Variants in PPP2R2C observed in about 807,000 individuals in gnomAD.
PPP2R2C encodes the protein protein phosphatase 2 regulatory subunit Bgamma, also known as protein phosphatase 2, regulatory subunit B, gamma.
Under a neutral mutation model 45.3 loss-of-function variants are expected in PPP2R2C, and 10 were observed. The ratio of observed to expected loss-of-function variants is 0.22; its 90% CI spans 0.14 to 0.37. The LOEUF (loss-of-function observed/expected upper bound fraction) is 0.37, where lower values mean the gene tolerates loss of function less well. Ranked by LOEUF, PPP2R2C falls within the 10% of genes least tolerant of loss-of-function variation. The pLI is 1.00. For missense variants in PPP2R2C, 308 were observed against 619.7 expected (o/e 0.50, Z 5.34); for synonymous variants, 257 against 245.4 (o/e 1.05, Z -0.44).
rs1417473557 is a variant in PPP2R2C, at chr4:6,368,580, C to G, written c.625+3943G>C. Among the ~76,000 whole-genome samples the G allele has an allele frequency of 6.6e-6, 1 of 152,194 alleles. No homozygotes were observed. The highest frequency in any genetic ancestry group is 2.4e-5 in the African/African-American group (1 of 41,446). On this transcript the variant is annotated intron_variant, in intron 5 of 8. Coordinates refer to ENST00000382599, the MANE Select transcript of PPP2R2C (RefSeq NM_020416.4). This position sits in a 1 kb window ranked among gnomAD's most constrained non-coding sequence, Gnocchi z 4.2. ...ACGGTAACGGCCAGGGAGGACTTTG[C>G]AGTCCTGGGATGAACCAACCCCCTT...
At chr4:6,394,286 C>A (rs1716864479) in intron 1 of PPP2R2C, among the ~76,000 whole-genome samples, 1 of 152,234 alleles carries the variant, frequency 6.6e-6, no homozygotes, top group Non-Finnish European at 1.5e-5. Flanking sequence ...GTTTCCTAAT[C>A]TCTAAAATGG....
At chr4:6,415,010 G>A (rs1276076825) in intron 1 of PPP2R2C, among the ~76,000 whole-genome samples, 8 of 152,336 alleles carry the variant, frequency 5.3e-5, no homozygotes, top group Non-Finnish European at 1.0e-4. Flanking sequence ...CACACGACAG[G>A]AAGGGATGGT....
rs188886256 is a variant in PPP2R2C, at chr4:6,321,542, G to A, written c.*1760C>T. ...CTGTGTAAATGTTATATGGCCAGAA[G>A]TGAGTACACATGCACTTTGTGCTTT... On this transcript the variant is annotated 3_prime_UTR_variant, in exon 9 of 9. Transcript: ENST00000382599. 2.0e-5 allele frequency: 3 copies of A among 152,484 alleles called. No individual in the cohort carries two copies. The highest frequency in any genetic ancestry group is 2.0e-4 in the Admixed American group (3 of 15,300). The allele number at this position is 152,484 out of a possible 1,614,324, so 9.4% of individuals were successfully genotyped here. A position where few individuals can be genotyped will look rare whatever the true frequency, so the allele number is the denominator to read the frequency against.
chr4:6,522,460 C>T (rs1422407029), intron 2 of PPP2R2C, among the ~76,000 whole-genome samples: 1 of 152,258 alleles, frequency 6.6e-6, no homozygotes, highest in African/African-American at 2.4e-5. Context: ...GATTCCAAGA[C>T]CCTCATGCTT....
intron 1 of PPP2R2C, among the ~76,000 whole-genome samples, chr4:6,460,858 A>G (rs1195557461): frequency 6.6e-6 from 1 of 152,146 alleles, no homozygotes; most frequent in Non-Finnish European, 1.5e-5. Context: ...CACAATGTCA[A>G]TAGGATACAA....
rs1002829461 is a variant in PPP2R2C at position 6,562,473 on chromosome 4, G to T, written c.-59+1087C>A. The stretch of plus-strand genomic sequence containing the variant: ...TGGGGAGGATTCAACGGAGTCGGGG[G>T]GGGGGGTTGGATATTTGAAAGCTCT... On this transcript the variant is annotated intron_variant, in intron 1 of 9. Transcript: ENST00000506140. Among the ~76,000 whole-genome samples the T allele has an allele frequency of 1.1e-3, 164 of 149,358 alleles. 2 individuals are homozygous for T. Among genetic ancestry groups the T allele is most frequent in the Non-Finnish European group, 1.8e-3 (118 of 67,322 alleles).
intron 6 of PPP2R2C, among the ~76,000 whole-genome samples, chr4:6,344,269 G>T (rs1429378647): frequency 6.6e-6 from 1 of 152,220 alleles, no homozygotes; most frequent in African/African-American, 2.4e-5. Context: ...CTGGGAGCTG[G>T]GGGTGAAGAA....
At chr4:6,435,977 G>A (rs751296946) in intron 1 of PPP2R2C, among the ~76,000 whole-genome samples, 11 of 152,164 alleles carry the variant, frequency 7.2e-5, no homozygotes, top group East Asian at 1.9e-4. Flanking sequence ...AGGAAGTAAC[G>A]TCTTTCAGAA....
At chr4:6,347,789 T>A (rs1225533859) in intron 6 of PPP2R2C, 57 bp downstream of exon 6, 6 of 1,033,524 alleles carry the variant, frequency 5.8e-6, no homozygotes, top group East Asian at 3.1e-5. Context: ...GGACAGGACA[T>A]CCCACCCGCC....
chr4:6,486,173 A>G (rs1722522871), intron 2 of PPP2R2C, among the ~76,000 whole-genome samples: 1 of 151,992 alleles, frequency 6.6e-6, no homozygotes, highest in African/African-American at 2.4e-5. Flanking sequence ...TTGTTTCCAA[A>G]TATTTGGAGA....
At chr4:6,391,950 C>G (rs746251129) in intron 1 of PPP2R2C, among the ~76,000 whole-genome samples, 2 of 152,244 alleles carry the variant, frequency 1.3e-5, no homozygotes, top group Non-Finnish European at 2.9e-5. Flanking sequence ...TACGGGAACA[C>G]ACACCCTCCG....
chr4:6,523,995 C>T (rs1244570636), intron 2 of PPP2R2C, among the ~76,000 whole-genome samples: 1 of 152,132 alleles, frequency 6.6e-6, no homozygotes, highest in Admixed American at 6.5e-5. Flanking sequence ...TTCACTGCAA[C>T]CTCCGCCTCC....
In PPP2R2C at chr4:6,330,183, A is replaced by G. The variant is rs1038196157; in HGVS notation, c.961-830T>C. On this transcript the variant is annotated intron_variant, in intron 7 of 8. Coordinates refer to ENST00000382599, the MANE Select transcript of PPP2R2C (RefSeq NM_020416.4). The surrounding 1 kb of genome is among the most constrained non-coding windows in gnomAD (Gnocchi z 7.0). ...CCGGTCCTACAAGCCCTGTACCCGGAGGGCCGCATGAGTGCCAGCCCTCTG... is the reference window on the plus strand; with the variant it reads ...CCGGTCCTACAAGCCCTGTACCCGGGGGGCCGCATGAGTGCCAGCCCTCTG... 3.3e-5 allele frequency among the ~76,000 whole-genome samples: 5 copies of G among 152,126 alleles called. No homozygotes were observed. The highest frequency in any genetic ancestry group is 6.5e-5 in the Admixed American group (1 of 15,276).
chr4:6,420,832 G>T, intron 1 of PPP2R2C: 1 of 645,810 alleles, frequency 1.5e-6, no homozygotes, highest in Non-Finnish European at 1.9e-6. Flanking sequence ...TGACGGCTGG[G>T]ACATGCCAGT....
intron 1 of PPP2R2C, among the ~76,000 whole-genome samples, chr4:6,469,875 G>A (rs1017873002): frequency 2.0e-5 from 3 of 152,198 alleles, no homozygotes; most frequent in African/African-American, 7.2e-5. Context: ...TTCCGATCCT[G>A]CTCTCTGCAT....
intron 1 of PPP2R2C, among the ~76,000 whole-genome samples, chr4:6,411,753 T>C (rs1039607075): frequency 2.0e-5 from 3 of 151,964 alleles, no homozygotes; most frequent in African/African-American, 7.3e-5. Context: ...GGGGTTTCAC[T>C]GTGTTAGCCA....
chr4:6,468,980 C>T (rs1240483543), intron 1 of PPP2R2C, among the ~76,000 whole-genome samples: 2 of 148,094 alleles, frequency 1.4e-5, no homozygotes, highest in African/African-American at 5.0e-5. Context: ...ATGCAAAGTT[C>T]TCTGTGCCCC....
intron 6 of PPP2R2C, among the ~76,000 whole-genome samples, chr4:6,334,295 C>T (rs550091368): frequency 5.3e-4 from 80 of 152,274 alleles, no homozygotes; most frequent in Non-Finnish European, 2.9e-4. Context: ...AATCTGACTG[C>T]CACAGAGTTG....
intron 8 of PPP2R2C, among the ~76,000 whole-genome samples, chr4:6,327,061 ATGT>A (rs916273265): frequency 3.3e-5 from 5 of 152,190 alleles, no homozygotes; most frequent in African/African-American, 1.2e-4. Flanking sequence ...ACCATGGGGC[ATGT>A]TGTTCTCAGA....
Sources: gnomAD v4.1 joint callset for allele counts (sites outside exome capture counted in the v4.1 genomes callset) on GRCh38, gnomAD v4.1.1 for gene constraint, Gnocchi (gnomAD v3.1) non-coding constraint, MANE v1.5 for transcripts, NCBI Gene and HGNC (gene_info 2026-07-23, HGNC 2026-07-21) for gene names.